The following OR10A2 variants were observed in gnomAD, a reference collection of about 807,000 sequenced individuals.
OR10A2 encodes olfactory receptor 10A2.
Under a neutral mutation model 13.7 loss-of-function variants are expected in OR10A2, and 15 were observed. The ratio of observed to expected loss-of-function variants is 1.10; its 90% CI spans 0.73 to 1.69. The LOEUF is 1.69. Among genes scored for constraint, OR10A2 ranks in the 40% most tolerant of loss-of-function variants. OR10A2 has a pLI of 0.00. For missense variants in OR10A2, 343 were observed against 361.1 expected (o/e 0.95, Z 0.41); for synonymous variants, 145 against 144.7 (o/e 1.00, Z -0.02).
rs937717888 is a variant in OR10A2, at chr11:6,871,432, C to T, written c.*766C>T. On this transcript the variant is annotated 3_prime_UTR_variant, in exon 2 of 2. Coordinates refer to ENST00000641461, the MANE Select transcript of OR10A2 (RefSeq NM_001004460.2). ...TCTCATGATCTTTCCCAACACATAA[C>T]TCTCCTCACCATCTTACTTCATTCT... The T allele has an allele frequency of 6.6e-6, 1 of 152,206 alleles. No homozygotes were observed. Among genetic ancestry groups the T allele is most frequent in the African/African-American group, 2.4e-5 (1 of 41,452 alleles). The allele number at this position is 152,206 out of a possible 1,614,324, so 9.4% of individuals were successfully genotyped here.
Position 6,870,011 on chromosome 11 carries a change from C to T in OR10A2, c.257C>T (p.Thr86Ile). 1.2e-6 allele frequency: 2 copies of T among 1,614,244 alleles called. No individual in the cohort carries two copies. Among genetic ancestry groups the T allele is most frequent in the Non-Finnish European group, 1.7e-6 (2 of 1,180,048 alleles). ...DTTISFLGCA[T>I]QMYFFFFFGV... ...ACCATCTCCTTCCTTGGCTGTGCCA[C>T]TCAGATGTATTTCTTCTTCTTCTTT... The change falls in exon 2 of 2, where the codon ACT becomes ATT. Residue 86 changes from threonine to isoleucine, a missense_variant. By Grantham distance (89) the Thr-to-Ile change is moderately conservative (BLOSUM62 -1). Coordinates refer to ENST00000641461, the MANE Select transcript of OR10A2 (RefSeq NM_001004460.2).
At chr11:6,865,426 G>C (rs1183578303) in intron 1 of OR10A2, among the ~76,000 whole-genome samples, 4 of 151,642 alleles carry the variant, frequency 2.6e-5, no homozygotes. Flanking sequence ...AAAGATTACA[G>C]GGTATTTCCT....
At chr11:6,869,268 A>C (rs1040854288) in intron 1 of OR10A2, among the ~76,000 whole-genome samples, 1 of 152,226 alleles carries the variant, frequency 6.6e-6, no homozygotes, top group African/African-American at 2.4e-5. Flanking sequence ...AACATATTAT[A>C]TGCATTCTTC....
chr11:6,869,083 C>A (rs1163844781), intron 1 of OR10A2, among the ~76,000 whole-genome samples: 1 of 152,138 alleles, frequency 6.6e-6, no homozygotes, highest in Non-Finnish European at 1.5e-5. Flanking sequence ...GGTTTGGATT[C>A]AAGATCTTCC....
chr11:6,863,137 T>C lies in OR10A2; in HGVS notation c.-347T>C, dbSNP rs564938219. 2 of 152,314 alleles carry C rather than the reference T, an allele frequency of 1.3e-5. No individual in the cohort carries two copies. Among genetic ancestry groups the C allele is most frequent in the East Asian group, 1.9e-4 (1 of 5,176 alleles). 9.4% of individuals were successfully genotyped at this position (152,314 alleles called of 1,614,324 possible). A position where few individuals can be genotyped will look rare whatever the true frequency, so the allele number is the denominator to read the frequency against. On this transcript the variant is annotated 5_prime_UTR_variant, in exon 1 of 2. Coordinates refer to ENST00000641461, the MANE Select transcript of OR10A2 (RefSeq NM_001004460.2). ...CTGGGAGCATGGCCAAACTTCATAG[T>C]GAGCTTACTTGCCTCTGACACACAA...
In OR10A2 at chr11:6,863,360, T is replaced by TTC. The variant is rs1285805065; in HGVS notation, c.-133+10_-133+11insCT. ...GTTCCTGTTGGACACAGGTAAGCCTTTTTTTTTTTTTTTTTTTTTTTTTTC... is the reference window on the plus strand; with the variant it reads ...GTTCCTGTTGGACACAGGTAAGCCTTTCTTTTTTTTTTTTTTTTTTTTTTTTC... On this transcript the variant is annotated intron_variant, in intron 1 of 1. Transcript: ENST00000641461. 2 of 84,800 alleles carry TTC rather than the reference T, an allele frequency of 2.4e-5. No homozygotes were observed. Among genetic ancestry groups the TTC allele is most frequent in the African/African-American group, 8.3e-5 (2 of 24,110 alleles). The allele number at this position is 84,800 out of a possible 1,614,324, so 5.3% of individuals were successfully genotyped here. A position where few individuals can be genotyped will look rare whatever the true frequency, so the allele number is the denominator to read the frequency against.
In OR10A2 at chr11:6,872,338, T is replaced by C. The variant is rs769203452; in HGVS notation, c.*1672T>C. The C allele has an allele frequency of 1.3e-5, 2 of 152,348 alleles. No homozygotes were observed. The highest frequency in any genetic ancestry group is 2.9e-5 in the Non-Finnish European group (2 of 68,034). The allele number at this position is 152,348 out of a possible 1,614,324, so 9.4% of individuals were successfully genotyped here. On this transcript the variant is annotated 3_prime_UTR_variant, in exon 2 of 2. Transcript: ENST00000641461. ...AGAAGCAGAAATCACTCTTTCTGTATGCACCCATTTCAAGTTTATTAATAA... is the reference window on the plus strand; with the variant it reads ...AGAAGCAGAAATCACTCTTTCTGTACGCACCCATTTCAAGTTTATTAATAA...
chr11:6,867,135 T>C (rs531535811), intron 1 of OR10A2, among the ~76,000 whole-genome samples: 2 of 152,226 alleles, frequency 1.3e-5, no homozygotes, highest in African/African-American at 2.4e-5. Flanking sequence ...TCAATAATCA[T>C]GGCTTTGTTT....
At position 6,871,951 on chromosome 11, in the gene OR10A2, A is replaced by G. The variant is rs539907299; in HGVS notation, c.*1285A>G. On this transcript the variant is annotated 3_prime_UTR_variant, in exon 2 of 2. Transcript: ENST00000641461. Reference sequence around the variant, plus strand: ...ATGTTGCTATATATATTGATTGTCTATCTAGCTCCCCTCTGAACTTATTGC... The same window carrying G: ...ATGTTGCTATATATATTGATTGTCTGTCTAGCTCCCCTCTGAACTTATTGC... 47 of 152,298 alleles carry G rather than the reference A, an allele frequency of 3.1e-4. No homozygotes were observed. Among genetic ancestry groups the G allele is most frequent in the African/African-American group, 8.4e-4 (35 of 41,570 alleles). 9.4% of individuals were successfully genotyped at this position (152,298 alleles called of 1,614,324 possible). A position where few individuals can be genotyped will look rare whatever the true frequency, so the allele number is the denominator to read the frequency against.
At position 6,871,460 on chromosome 11, in the gene OR10A2, T is replaced by C. The variant is rs936465622; in HGVS notation, c.*794T>C. ...TCCTCACCATCTTACTTCATTCTCATGCCCTTAAGCAGTGTTAGTTCTTTT... is the reference window on the plus strand; with the variant it reads ...TCCTCACCATCTTACTTCATTCTCACGCCCTTAAGCAGTGTTAGTTCTTTT... On this transcript the variant is annotated 3_prime_UTR_variant, in exon 2 of 2. Coordinates refer to ENST00000641461, the MANE Select transcript of OR10A2 (RefSeq NM_001004460.2). 3.3e-5 allele frequency: 5 copies of C among 152,238 alleles called. No homozygotes were observed. Among genetic ancestry groups the C allele is most frequent in the African/African-American group, 1.2e-4 (5 of 41,468 alleles). 9.4% of individuals were successfully genotyped at this position (152,238 alleles called of 1,614,324 possible). A position where few individuals can be genotyped will look rare whatever the true frequency, so the allele number is the denominator to read the frequency against.
chr11:6,865,488 A>C (rs6578786), intron 1 of OR10A2, among the ~76,000 whole-genome samples: 42,576 of 151,768 alleles, frequency 0.28, 6,214 homozygotes, highest in East Asian at 0.42. Context: ...ATAATTTTCA[A>C]TTTATAACTA....
At chr11:6,868,400 T>G (rs1848396861) in intron 1 of OR10A2, among the ~76,000 whole-genome samples, 1 of 152,132 alleles carries the variant, frequency 6.6e-6, no homozygotes, top group South Asian at 2.1e-4. Context: ...CTAGTCTTCT[T>G]GATCCGAGGC....
Position 6,872,696 on chromosome 11 carries a change from C to T in OR10A2, c.*2030C>T, listed in dbSNP as rs1848446298. The T allele has an allele frequency of 6.6e-6, 1 of 152,198 alleles. No individual in the cohort carries two copies. Among genetic ancestry groups the T allele is most frequent in the Non-Finnish European group, 1.5e-5 (1 of 68,106 alleles). The allele number at this position is 152,198 out of a possible 1,614,324, so 9.4% of individuals were successfully genotyped here. On this transcript the variant is annotated 3_prime_UTR_variant, in exon 2 of 2. Transcript: ENST00000641461. ...AGAGACGAGGTCTTGCTATGCTACC[C>T]AGTCTGGTATCGAACTTCTGAGTTC...
intron 1 of OR10A2, among the ~76,000 whole-genome samples, chr11:6,864,625 A>G (rs1336944684): frequency 6.6e-6 from 1 of 152,122 alleles, no homozygotes; most frequent in Non-Finnish European, 1.5e-5. Context: ...GACAGAGCTG[A>G]GTTTTGAGGA....
rs534761977 is a variant in OR10A2, at chr11:6,869,876, T to A, written c.122T>A (p.Met41Lys). The change falls in exon 2 of 2, where the codon ATG becomes AAG. Residue 41 changes from methionine (M) to lysine (K), a missense_variant. Coordinates refer to ENST00000641461, the MANE Select transcript of OR10A2 (RefSeq NM_001004460.2). ...ATTCTGGTTACCCTAGCTGACCCCA[T>A]GCTACACAGCCCCATGTACTTCTTC... ...LIILVTLADPMLHSPMYFFLR... is the reference protein window; with the variant it reads ...LIILVTLADPKLHSPMYFFLR... The A allele has an allele frequency of 6.2e-7, 1 of 1,614,162 alleles. No individual in the cohort carries two copies. Among genetic ancestry groups the A allele is most frequent in the South Asian group, 1.1e-5 (1 of 91,088 alleles).
At chr11:6,867,048 G>A (rs1029147253) in intron 1 of OR10A2, among the ~76,000 whole-genome samples, 11 of 151,798 alleles carry the variant, frequency 7.2e-5, no homozygotes, top group African/African-American at 2.4e-4. Flanking sequence ...AGTAACTTGG[G>A]TGTAATTTTT....
In OR10A2 at chr11:6,870,198, A is replaced by G; in HGVS notation, c.444A>G (p.Thr148=). ...PGFPVATVQT[T]WLFSFPFCGT... ...TTCCTGTAGCTACTGTGCAGACCAC[A>G]TGGCTCTTCAGTTTTCCATTCTGTG... The change falls in exon 2 of 2, where the codon ACA becomes ACG. Residue 148 remains threonine, a synonymous_variant. Transcript: ENST00000641461. The G allele has an allele frequency of 6.2e-7, 1 of 1,614,182 alleles. No individual in the cohort carries two copies. The highest frequency in any genetic ancestry group is 1.1e-5 in the South Asian group (1 of 91,086).
chr11:6,869,106 T>C (rs1454889942), intron 1 of OR10A2, among the ~76,000 whole-genome samples: 1 of 152,206 alleles, frequency 6.6e-6, no homozygotes, highest in Non-Finnish European at 1.5e-5. Flanking sequence ...GTGATTTGTG[T>C]TTCTTAAATT....
intron 1 of OR10A2, among the ~76,000 whole-genome samples, chr11:6,863,562 C>T (rs901023509): frequency 6.6e-6 from 1 of 151,902 alleles, no homozygotes; most frequent in Non-Finnish European, 1.5e-5. Flanking sequence ...GAGATCTGGG[C>T]TCACAAAAAG....
Sources: allele counts gnomAD v4.1 joint callset (sites outside exome capture counted in the v4.1 genomes callset), GRCh38; gene constraint gnomAD v4.1.1; transcripts MANE v1.5; gene names NCBI Gene and HGNC (gene_info 2026-07-23, HGNC 2026-07-21).